PDZD2: variants seen among roughly 807,000 people sequenced by gnomAD.
PDZD2 encodes the protein PDZ domain-containing protein 2.
Under a neutral mutation model 220.7 loss-of-function variants are expected in PDZD2, and 90 were observed. The ratio of observed to expected loss-of-function variants is 0.41; its 90% CI spans 0.34 to 0.49. The LOEUF is 0.49. Among genes scored for constraint, PDZD2 ranks in the 20% least tolerant of loss-of-function variants. The pLI is 0.28. For missense variants in PDZD2, 3,174 were observed against 3,608.5 expected (o/e 0.88, Z 3.08); for synonymous variants, 1,375 against 1,450.5 (o/e 0.95, Z 1.18).
intron 8 of PDZD2, among the ~76,000 whole-genome samples, chr5:32,050,664 T>A (rs1738452331): frequency 6.6e-6 from 1 of 151,966 alleles, no homozygotes; most frequent in African/African-American, 2.4e-5. Context: ...CGAAAACAAA[T>A]TTTTTAATTA....
At position 31,689,353 on chromosome 5, in the gene PDZD2, A is replaced by ATATATATAT; in HGVS notation, c.-361+49917_-361+49918insATATATATT. Among the ~76,000 whole-genome samples the ATATATATAT allele has an allele frequency of 5.1e-4, 18 of 35,122 alleles. 1 individual carries two copies. The highest frequency in any genetic ancestry group is 2.7e-3 in the African/African-American group (13 of 4,806). The allele number at this position is 35,122 out of a possible 152,430, so 23.0% of individuals were successfully genotyped here. ...TACATATACATATATATATATATAT[A>ATATATATAT]TTTTTTTTTTTTTTTTTTTTAAGTC... On this transcript the variant is annotated intron_variant, in intron 1 of 24. Transcript: ENST00000438447.
chr5:31,783,080 AG>A (rs1561456060), intron 1 of PDZD2, among the ~76,000 whole-genome samples: 1 of 152,158 alleles, frequency 6.6e-6, no homozygotes, highest in Non-Finnish European at 1.5e-5. Flanking sequence ...ACTTTATTTT[AG>A]ATGAAGTTGG....
chr5:31,919,233 C>G (rs1743960741), intron 2 of PDZD2, among the ~76,000 whole-genome samples: 1 of 152,168 alleles, frequency 6.6e-6, no homozygotes, highest in Non-Finnish European at 1.5e-5. Flanking sequence ...ACCTCTGCAG[C>G]TACATTGCAC....
At chr5:32,028,598 TA>T (rs918511867) in intron 6 of PDZD2, among the ~76,000 whole-genome samples, 4 of 151,604 alleles carry the variant, frequency 2.6e-5, no homozygotes, top group African/African-American at 9.7e-5. Context: ...TTTTTGTGTT[TA>T]AAAAAAACCA....
rs543261592 is a variant in PDZD2 at position 32,069,773 on chromosome 5, G to A, written c.2533+123G>A. 162 of 636,010 alleles carry A rather than the reference G, an allele frequency of 2.5e-4. 1 individual carries two copies. The East Asian group carries it at 4.5e-3, about 18-fold the overall frequency. The allele number at this position is 636,010 out of a possible 1,614,324, so 39.4% of individuals were successfully genotyped here. ...ATTATCAGGTTTGGCAAAAGTAGCT[G>A]TCAAAGACAGTCTATGCTTTCTCTT... On this transcript the variant is annotated intron_variant, in intron 15 of 24. Coordinates refer to ENST00000438447, the MANE Select transcript of PDZD2 (RefSeq NM_178140.4).
chr5:31,926,879 C>T (rs552919769), intron 2 of PDZD2, among the ~76,000 whole-genome samples: 21 of 152,156 alleles, frequency 1.4e-4, no homozygotes, highest in South Asian at 4.2e-4. Context: ...CCATGAAATA[C>T]GACACAGTCA....
At chr5:31,645,425 C>T (rs1745100608) in intron 1 of PDZD2, among the ~76,000 whole-genome samples, 1 of 151,318 alleles carries the variant, frequency 6.6e-6, no homozygotes, top group African/African-American at 2.4e-5. Context: ...CAACCTCTGC[C>T]TCCCAGGTTC....
intron 1 of PDZD2, among the ~76,000 whole-genome samples, chr5:31,790,176 C>T (rs931152843): frequency 1.7e-4 from 26 of 152,114 alleles, no homozygotes; most frequent in African/African-American, 6.0e-4. Context: ...GGTGCAATCT[C>T]GGCTCACTGC....
intron 6 of PDZD2, among the ~76,000 whole-genome samples, chr5:32,027,745 G>T (rs925880071): frequency 2.6e-5 from 4 of 152,184 alleles, no homozygotes; most frequent in Non-Finnish European, 4.4e-5. Context: ...TAACTTGCAG[G>T]CTTCTTGCTA....
At chr5:31,721,722 A>G (rs1561406907) in intron 1 of PDZD2, among the ~76,000 whole-genome samples, 3 of 138,326 alleles carry the variant, frequency 2.2e-5, no homozygotes, top group African/African-American at 8.1e-5. Flanking sequence ...TTCTTAAAAA[A>G]AATGAGGCTT....
intron 2 of PDZD2, among the ~76,000 whole-genome samples, chr5:31,868,012 G>A (rs1269815225): frequency 1.3e-5 from 2 of 152,094 alleles, no homozygotes; most frequent in Non-Finnish European, 2.9e-5. Context: ...AGATAACTGA[G>A]GGTTATCATT....
intron 3 of PDZD2, among the ~76,000 whole-genome samples, chr5:31,993,089 GGAA>G (rs1751358656): frequency 6.6e-6 from 1 of 152,088 alleles, no homozygotes; most frequent in Non-Finnish European, 1.5e-5. Context: ...ATGGCTTTTT[GGAA>G]GTAGTAGAGC....
At chr5:31,700,937 G>A (rs951024969) in intron 1 of PDZD2, among the ~76,000 whole-genome samples, 1 of 152,172 alleles carries the variant, frequency 6.6e-6, no homozygotes, top group African/African-American at 2.4e-5. Context: ...CCCATCTCCT[G>A]GGGGGCTGTC....
At chr5:31,917,569 A>G (rs1410408309) in intron 2 of PDZD2, among the ~76,000 whole-genome samples, 3 of 152,170 alleles carry the variant, frequency 2.0e-5, no homozygotes, top group Non-Finnish European at 4.4e-5. Context: ...AAGGATGTAT[A>G]GAAATAAAGA....
chr5:31,983,087 C>T lies in PDZD2; in HGVS notation c.477-68C>T, dbSNP rs945621712. 104 of 1,514,826 alleles carry T rather than the reference C, an allele frequency of 6.9e-5. No homozygotes were observed. The Admixed American group carries it at 1.7e-3, about 24-fold the overall frequency. The allele number at this position is 1,514,826 out of a possible 1,614,324, so 93.8% of individuals were successfully genotyped here. ...CGTCACTTGGGTGGACCCTTGAACG[C>T]GTCTGTCTGCTGTGCTGTCTAGGAA... On this transcript the variant is annotated intron_variant, in intron 2 of 24. Coordinates refer to ENST00000438447, the MANE Select transcript of PDZD2 (RefSeq NM_178140.4).
intron 2 of PDZD2, among the ~76,000 whole-genome samples, chr5:31,861,384 C>G (rs1018362161): frequency 5.3e-5 from 8 of 152,216 alleles, no homozygotes; most frequent in African/African-American, 1.9e-4. Flanking sequence ...AGAGTTGAGG[C>G]AGACCGTGGG....
At chr5:31,703,425 A>G (rs1747681469) in intron 1 of PDZD2, among the ~76,000 whole-genome samples, 1 of 152,202 alleles carries the variant, frequency 6.6e-6, no homozygotes. Context: ...GAGTTAAACA[A>G]TGAGAACACA....
intron 1 of PDZD2, among the ~76,000 whole-genome samples, chr5:31,753,519 G>T (rs1352980632): frequency 3.3e-5 from 5 of 152,132 alleles, no homozygotes; most frequent in Non-Finnish European, 5.9e-5. Context: ...AGAATTGCTT[G>T]AATCCAGGGA....
intron 21 of PDZD2, among the ~76,000 whole-genome samples, chr5:32,093,340 G>C (rs571225083): frequency 6.6e-6 from 1 of 152,168 alleles, no homozygotes; most frequent in Non-Finnish European, 1.5e-5. Context: ...TCAAAGCAGA[G>C]CTAGTCATCT....
Sources: allele counts gnomAD v4.1 joint callset (sites outside exome capture counted in the v4.1 genomes callset), GRCh38; gene constraint gnomAD v4.1.1; transcripts MANE v1.5; gene names NCBI Gene and HGNC (gene_info 2026-07-23, HGNC 2026-07-21).